The following KDM4C variants were observed in gnomAD, a reference collection of about 807,000 sequenced individuals.
The protein encoded by KDM4C is lysine demethylase 4C, also known as lysine-specific demethylase 4C.
Under a neutral mutation model 129.3 loss-of-function variants are expected in KDM4C, and 81 were observed. The observed-to-expected ratio is 0.63, with a 90% CI of 0.52 to 0.75. The LOEUF (loss-of-function observed/expected upper bound fraction) is 0.75. KDM4C is among the 30% of genes least tolerant of loss of function. The pLI is 0.00. For missense variants in KDM4C, 1,457 were observed against 1,304.0 expected, an observed-to-expected ratio of 1.12 and a Z score of -1.81; for synonymous variants, 573 against 456.1, an observed-to-expected ratio of 1.26 and a Z score of -3.26.
chr9:6,782,604 A>G (rs1824605339), intron 1 of KDM4C, among the ~76,000 whole-genome samples: 1 of 152,164 alleles, frequency 6.6e-6, no homozygotes, highest in East Asian at 1.9e-4. Flanking sequence ...AAGGAGGGAA[A>G]TGGCTTCACT....
chr9:6,844,066 G>C (rs1270765886), intron 4 of KDM4C, among the ~76,000 whole-genome samples: 1 of 151,934 alleles, frequency 6.6e-6, no homozygotes, highest in Non-Finnish European at 1.5e-5. Context: ...CAAACTCCTG[G>C]GCTCAAGTGT....
At chr9:7,043,573 A>G (rs914589123) in intron 15 of KDM4C, among the ~76,000 whole-genome samples, 2 of 152,046 alleles carry the variant, frequency 1.3e-5, no homozygotes, top group Admixed American at 6.6e-5. Context: ...CAAATGAATG[A>G]ATGGACAGGT....
intron 1 of KDM4C, chr9:6,723,673 T>C (rs141891436): frequency 9.9e-5 from 15 of 151,390 alleles, no homozygotes; most frequent in African/African-American, 3.4e-4. Context: ...TATATAGATT[T>C]ACTACACTGA....
chr9:6,821,023 A>G (rs1832944541), intron 4 of KDM4C, among the ~76,000 whole-genome samples: 1 of 152,054 alleles, frequency 6.6e-6, no homozygotes, highest in Non-Finnish European at 1.5e-5. Context: ...TTATAGCTCC[A>G]TCCATGTCCC....
At chr9:6,907,157 T>C (rs1818464166) in intron 8 of KDM4C, among the ~76,000 whole-genome samples, 1 of 152,246 alleles carries the variant, frequency 6.6e-6, no homozygotes, top group Non-Finnish European at 1.5e-5. Flanking sequence ...GTGATAATGA[T>C]CTTCAAAATA....
At chr9:6,967,421 T>TAAA (rs35054106) in intron 8 of KDM4C, among the ~76,000 whole-genome samples, 5 of 124,990 alleles carry the variant, frequency 4.0e-5, no homozygotes, top group Admixed American at 8.2e-5. Context: ...AAGCTTCCAC[T>TAAA]AAAAAAAAAA....
At chr9:6,950,022 T>A (rs1041251464) in intron 8 of KDM4C, among the ~76,000 whole-genome samples, 4 of 150,852 alleles carry the variant, frequency 2.7e-5, no homozygotes, top group African/African-American at 4.8e-5. Context: ...TTGAAACTTC[T>A]CTGGCCACCC....
chr9:7,027,074 C>G (rs1587017783), intron 15 of KDM4C, among the ~76,000 whole-genome samples: 1 of 152,018 alleles, frequency 6.6e-6, no homozygotes, highest in African/African-American at 2.4e-5. Flanking sequence ...TGTGTTTCTC[C>G]AGGACTGGCC....
At chr9:6,865,954 C>T (rs973833309) in intron 5 of KDM4C, among the ~76,000 whole-genome samples, 6 of 152,146 alleles carry the variant, frequency 3.9e-5, no homozygotes, top group East Asian at 1.9e-4. Flanking sequence ...AGGGTTTCCC[C>T]GTGTTAGCCA....
intron 15 of KDM4C, among the ~76,000 whole-genome samples, chr9:7,026,137 G>C (rs1015368987): frequency 2.6e-5 from 4 of 151,512 alleles, no homozygotes; most frequent in East Asian, 1.9e-4. Context: ...CCCGGGAGAC[G>C]AAGGTTGCAG....
intron 21 of KDM4C, chr9:7,170,401 G>A (rs1844839838): frequency 1.0e-6 from 1 of 993,190 alleles, no homozygotes; most frequent in South Asian, 4.5e-5. Context: ...ATAATAAAAG[G>A]GATAAACAAA....
intron 8 of KDM4C, among the ~76,000 whole-genome samples, chr9:6,926,153 G>C (rs897650659): frequency 2.0e-5 from 3 of 152,046 alleles, no homozygotes; most frequent in Non-Finnish European, 2.9e-5. Flanking sequence ...TTTGTGAGCA[G>C]ATTACCCAGT....
At chr9:6,799,417 C>T (rs1828470951) in intron 2 of KDM4C, among the ~76,000 whole-genome samples, 1 of 152,144 alleles carries the variant, frequency 6.6e-6, no homozygotes, top group South Asian at 2.1e-4. Context: ...ATACGAAAAC[C>T]AGTCAGGAGT....
intron 15 of KDM4C, among the ~76,000 whole-genome samples, chr9:7,043,835 A>G (rs1205623900): frequency 6.6e-6 from 1 of 152,044 alleles, no homozygotes; most frequent in Non-Finnish European, 1.5e-5. Context: ...TCAACTCACT[A>G]AAGCTTGCAG....
chr9:6,831,632 G>A (rs1056030568), intron 4 of KDM4C, among the ~76,000 whole-genome samples: 73 of 152,202 alleles, frequency 4.8e-4, no homozygotes, highest in East Asian at 7.7e-4. Context: ...GTAAGCCAGC[G>A]CACCCGGCCT....
chr9:6,802,570 C>T (rs1829207798), intron 2 of KDM4C, among the ~76,000 whole-genome samples: 1 of 152,110 alleles, frequency 6.6e-6, no homozygotes, highest in East Asian at 1.9e-4. Context: ...AGACAAAATA[C>T]TGAGTAGGAA....
At chr9:6,852,508 A>C (rs1456493459) in intron 5 of KDM4C, among the ~76,000 whole-genome samples, 2 of 152,188 alleles carry the variant, frequency 1.3e-5, no homozygotes, top group African/African-American at 4.8e-5. Flanking sequence ...ACAAAACGAG[A>C]GGATGAAGGG....
At chr9:6,800,070 AT>A in intron 2 of KDM4C, among the ~76,000 whole-genome samples, 1 of 152,032 alleles carries the variant, frequency 6.6e-6, no homozygotes, top group East Asian at 1.9e-4. Context: ...CAAAAAAAAA[AT>A]AAATAAATAA....
intron 4 of KDM4C, among the ~76,000 whole-genome samples, chr9:6,824,557 C>G (rs909396828): frequency 1.3e-5 from 2 of 150,404 alleles, no homozygotes; most frequent in Non-Finnish European, 2.9e-5. Flanking sequence ...AAATAACTTT[C>G]ATTTAAGGAG....
Sources: gnomAD v4.1 joint callset for allele counts (sites outside exome capture counted in the v4.1 genomes callset) on GRCh38, gnomAD v4.1.1 for gene constraint, MANE v1.5 for transcripts, NCBI Gene and HGNC (gene_info 2026-07-23, HGNC 2026-07-21) for gene names.